Variants in CUX1 observed in about 807,000 individuals in gnomAD.
CUX1 encodes the protein protein CASP.
CUX1 carries 31 observed loss-of-function variants against 158.8 expected under a neutral mutation model. The ratio of observed to expected loss-of-function variants is 0.20; its 90% CI spans 0.15 to 0.26. The LOEUF (loss-of-function observed/expected upper bound fraction) is 0.26. Among genes scored for constraint, CUX1 ranks in the 10% least tolerant of loss-of-function variants. The pLI is 1.00. For synonymous variants in CUX1, 879 were observed against 862.1 expected, an observed-to-expected ratio of 1.02 and a Z score of -0.34; for missense variants, 1,589 against 2,014.6, an observed-to-expected ratio of 0.79 and a Z score of 4.04.
chr7:102,199,528 C>G (rs985227126), intron 16 of CUX1, among the ~76,000 whole-genome samples: 5 of 152,194 alleles, frequency 3.3e-5, no homozygotes, highest in African/African-American at 4.8e-5. Flanking sequence ...AGGCTCCTTT[C>G]CTCGTATGTA....
intron 3 of CUX1, among the ~76,000 whole-genome samples, chr7:102,056,126 G>A (rs1824092798): frequency 6.6e-6 from 1 of 152,204 alleles, no homozygotes; most frequent in Non-Finnish European, 1.5e-5. Context: ...TTTAAGGAAA[G>A]AATTTATCTC....
intron 3 of CUX1, among the ~76,000 whole-genome samples, chr7:102,044,324 G>C (rs1312157055): frequency 6.6e-6 from 1 of 152,058 alleles, no homozygotes; most frequent in African/African-American, 2.4e-5. Flanking sequence ...CAAGTAGCTG[G>C]GGTTACAGGT....
At chr7:101,861,892 T>G (rs969995883) in intron 1 of CUX1, among the ~76,000 whole-genome samples, 1 of 151,972 alleles carries the variant, frequency 6.6e-6, no homozygotes, top group Non-Finnish European at 1.5e-5. Context: ...TGGAGTGCAG[T>G]GGCACAATCT....
intron 7 of CUX1, among the ~76,000 whole-genome samples, chr7:102,112,282 C>T (rs1171475801): frequency 3.4e-5 from 5 of 148,366 alleles, no homozygotes; most frequent in Admixed American, 3.4e-4. Flanking sequence ...CGCTCTGTCA[C>T]CCAGGCTGGA....
chr7:102,079,997 T>A (rs1827184866), intron 4 of CUX1, among the ~76,000 whole-genome samples: 1 of 152,182 alleles, frequency 6.6e-6, no homozygotes, highest in African/African-American at 2.4e-5. Context: ...TTCATAAACC[T>A]GGGGCTCAAT....
chr7:102,273,678 G>A (rs1231585911), intron 15 of CUX1, among the ~76,000 whole-genome samples: 1 of 152,234 alleles, frequency 6.6e-6, no homozygotes. Flanking sequence ...TCCGATTTGG[G>A]GTGACAGGCC....
chr7:101,882,161 G>C (rs1799786685), intron 1 of CUX1, among the ~76,000 whole-genome samples: 1 of 152,116 alleles, frequency 6.6e-6, no homozygotes, highest in South Asian at 2.1e-4. Flanking sequence ...CTCCAGCCTG[G>C]GCAACAGAGT....
chr7:101,976,569 C>T lies in CUX1; in HGVS notation c.142-51529C>T, dbSNP rs1007067235. 3.9e-5 allele frequency among the ~76,000 whole-genome samples: 6 copies of T among 152,176 alleles called. No homozygotes were observed. In the South Asian group the frequency reaches 1.0e-3, roughly 26 times the overall value. ...GGGCTTTCCAGAGAGCTGTAATTGA[C>T]TGTTTCTCCCATCAGCCACTCTCCT... On this transcript the variant is annotated intron_variant, in intron 2 of 23. Transcript: ENST00000292535.
chr7:102,194,050 T>C, intron 13 of CUX1, 160 bp downstream of exon 13: 1 of 734,994 alleles, frequency 1.4e-6, no homozygotes. Flanking sequence ...AAGCAAATTA[T>C]CTTTTTTTTT....
chr7:101,972,389 C>G (rs913985654), intron 2 of CUX1, among the ~76,000 whole-genome samples: 1 of 152,224 alleles, frequency 6.6e-6, no homozygotes, highest in South Asian at 2.1e-4. Flanking sequence ...TTTTTAGACA[C>G]ATACCGTTCG....
chr7:102,060,622 C>T (rs1824731554), intron 3 of CUX1, among the ~76,000 whole-genome samples: 1 of 144,074 alleles, frequency 6.9e-6, no homozygotes, highest in African/African-American at 2.5e-5. Flanking sequence ...CACACACACA[C>T]ACACACACAC....
In CUX1 at chr7:102,255,411, A is replaced by G. The variant is rs1554541697; in HGVS notation, c.*6369A>G. Reference sequence around the variant, plus strand: ...AAAAAAAAAAAAAGACAAAAAAAAAAGGCTGGCGAGAGAAAGACATTTGGC... The same window carrying G: ...AAAAAAAAAAAAAGACAAAAAAAAAGGGCTGGCGAGAGAAAGACATTTGGC... On this transcript the variant is annotated 3_prime_UTR_variant, in exon 24 of 24. Transcript: ENST00000292535. The G allele has an allele frequency of 2.0e-6, 2 of 984,960 alleles. No individual in the cohort carries two copies. Among genetic ancestry groups the G allele is most frequent in the Non-Finnish European group, 2.4e-6 (2 of 829,860 alleles). 61.0% of individuals were successfully genotyped at this position (984,960 alleles called of 1,614,324 possible).
intron 21 of CUX1, among the ~76,000 whole-genome samples, chr7:102,231,188 C>T (rs973725344): frequency 3.3e-5 from 5 of 152,076 alleles, no homozygotes; most frequent in Admixed American, 2.6e-4. Context: ...CACCACCATG[C>T]CCGGCTAATT....
At chr7:102,265,866 T>A (rs1307742272) in intron 14 of CUX1, among the ~76,000 whole-genome samples, 4 of 146,678 alleles carry the variant, frequency 2.7e-5, no homozygotes, top group African/African-American at 1.1e-4. Context: ...GCAGCAGTGG[T>A]AAAAAGAGAC....
At chr7:101,860,215 T>G (rs1797298163) in intron 1 of CUX1, among the ~76,000 whole-genome samples, 1 of 152,210 alleles carries the variant, frequency 6.6e-6, no homozygotes, top group Non-Finnish European at 1.5e-5. Context: ...AATGTTTTCC[T>G]GGTGGAAGAT....
chr7:101,820,642 C>G lies in CUX1; in HGVS notation c.30+2973C>G, dbSNP rs374594501. Among the ~76,000 whole-genome samples the G allele has an allele frequency of 3.9e-5, 6 of 152,292 alleles. No homozygotes were observed. In the East Asian group the frequency reaches 7.7e-4, roughly 20 times the overall value. ...TTGTCCTTTTGTTTTGTCTGAAGCCCCGCGTTATCGCTGCAGAGAGAGAGT... is the reference window on the plus strand; with the variant it reads ...TTGTCCTTTTGTTTTGTCTGAAGCCGCGCGTTATCGCTGCAGAGAGAGAGT... On this transcript the variant is annotated intron_variant, in intron 1 of 23. Coordinates refer to ENST00000292535, the MANE Select transcript of CUX1 (RefSeq NM_181552.4).
At chr7:102,038,623 T>G (rs2129640297) in intron 3 of CUX1, among the ~76,000 whole-genome samples, 1 of 152,306 alleles carries the variant, frequency 6.6e-6, no homozygotes, top group East Asian at 1.9e-4. Flanking sequence ...CACCTGTACC[T>G]TGACGCGGCA....
chr7:102,239,716 T>C, intron 23 of CUX1, 132 bp downstream of exon 23: 1 of 1,016,158 alleles, frequency 9.8e-7, no homozygotes, highest in Non-Finnish European at 1.4e-6. Flanking sequence ...GATTGGTCCG[T>C]TCCTTGGTCC....
intron 12 of CUX1, among the ~76,000 whole-genome samples, chr7:102,192,742 G>A (rs957487715): frequency 6.6e-6 from 1 of 152,168 alleles, no homozygotes; most frequent in African/African-American, 2.4e-5. Flanking sequence ...CTGCACCTGC[G>A]AGTCGTAAAT....
Sources: allele counts gnomAD v4.1 joint callset (sites outside exome capture counted in the v4.1 genomes callset), GRCh38; gene constraint gnomAD v4.1.1; transcripts MANE v1.5; gene names NCBI Gene and HGNC (gene_info 2026-07-23, HGNC 2026-07-21).